The following PRKD1 variants were observed in gnomAD, a reference collection of about 807,000 sequenced individuals.
The protein encoded by PRKD1 is serine/threonine-protein kinase D1.
A neutral mutation model predicts 95.9 loss-of-function variants in PRKD1; 63 were observed. The ratio of observed to expected loss-of-function variants is 0.66; its 90% CI spans 0.54 to 0.81. The LOEUF (loss-of-function observed/expected upper bound fraction) is 0.81. Among genes scored for constraint, PRKD1 ranks in the 30% least tolerant of loss-of-function variants. The probability of loss-of-function intolerance (pLI) is 0.00; values close to 1 mark genes in which losing one functional copy is unlikely to be tolerated. For synonymous variants in PRKD1, 425 were observed against 423.1 expected, an observed-to-expected ratio of 1.00 and a Z score of -0.05; for missense variants, 1,048 against 1,165.3, an observed-to-expected ratio of 0.90 and a Z score of 1.47.
intron 1 of PRKD1, among the ~76,000 whole-genome samples, chr14:29,875,526 G>A (rs1410003808): frequency 6.6e-6 from 1 of 152,146 alleles, no homozygotes; most frequent in African/African-American, 2.4e-5. Context: ...AATATTGTTT[G>A]TGCTATGCAT....
At chr14:29,601,279 G>A (rs1376031475) in intron 13 of PRKD1, among the ~76,000 whole-genome samples, 1 of 152,144 alleles carries the variant, frequency 6.6e-6, no homozygotes, top group East Asian at 1.9e-4. Flanking sequence ...CTCTGATGAT[G>A]ATAACTCATT....
chr14:29,897,123 A>G (rs11844070), intron 1 of PRKD1, among the ~76,000 whole-genome samples: 12,007 of 151,978 alleles, frequency 0.079, 633 homozygotes, highest in African/African-American at 0.15. Flanking sequence ...TTTTTAATTG[A>G]CTCATTTTAT....
chr14:29,898,350 G>T (rs537998822), intron 1 of PRKD1, among the ~76,000 whole-genome samples: 83 of 152,026 alleles, frequency 5.5e-4, no homozygotes, highest in African/African-American at 1.9e-3. Flanking sequence ...GTACATTTTA[G>T]CCAATATGTC....
chr14:29,901,950 G>A (rs1055943783), intron 1 of PRKD1, among the ~76,000 whole-genome samples: 13 of 152,198 alleles, frequency 8.5e-5, no homozygotes, highest in Non-Finnish European at 1.6e-4. Flanking sequence ...GCTTAGAACA[G>A]AGTTTGACAC....
rs138526889 is a variant in PRKD1, at chr14:29,780,017, G to C, written c.265-54343C>G. ...CAACCATCTGATCTTTGACAAACCT[G>C]ACAAAAACAAGAAATGGGGAAAGGA... On this transcript the variant is annotated intron_variant, in intron 1 of 17. Transcript: ENST00000331968. Among the ~76,000 whole-genome samples the C allele has an allele frequency of 1.6e-3, 241 of 152,180 alleles. 6 individuals are homozygous for C. In the East Asian group the frequency reaches 0.041, roughly 26 times the overall value.
chr14:29,633,022 C>T (rs1432569424), intron 8 of PRKD1, 76 bp from the exon 9 acceptor site: 63 of 1,331,062 alleles, frequency 4.7e-5, no homozygotes, highest in Non-Finnish European at 5.2e-5. Context: ...AAATAGATTT[C>T]CCCAATAGGG....
chr14:29,740,883 T>A (rs1216796476), intron 1 of PRKD1, among the ~76,000 whole-genome samples: 2 of 152,174 alleles, frequency 1.3e-5, no homozygotes, highest in East Asian at 3.8e-4. Context: ...ACTGGATTTT[T>A]AAAAATGTGG....
At chr14:29,627,558 C>G (rs1286915126) in intron 11 of PRKD1, among the ~76,000 whole-genome samples, 1 of 152,166 alleles carries the variant, frequency 6.6e-6, no homozygotes, top group Non-Finnish European at 1.5e-5. Flanking sequence ...GATGAAATCA[C>G]CAGGTAATTC....
chr14:29,857,542 A>G (rs1391733992), intron 1 of PRKD1, among the ~76,000 whole-genome samples: 1 of 152,192 alleles, frequency 6.6e-6, no homozygotes, highest in Non-Finnish European at 1.5e-5. Context: ...TTTTTCAGGT[A>G]GCTCAAAATG....
At chr14:29,601,077 A>C (rs1187345777) in intron 13 of PRKD1, among the ~76,000 whole-genome samples, 1 of 152,202 alleles carries the variant, frequency 6.6e-6, no homozygotes, top group Admixed American at 6.5e-5. Context: ...TTAGAAAAAA[A>C]AATCTCAGTG....
chr14:29,654,802 A>G (rs1349788870), intron 4 of PRKD1, among the ~76,000 whole-genome samples: 2 of 152,170 alleles, frequency 1.3e-5, no homozygotes, highest in Non-Finnish European at 2.9e-5. Flanking sequence ...GGTTTCTATA[A>G]CCATTCTGCT....
intron 2 of PRKD1, among the ~76,000 whole-genome samples, chr14:29,687,190 A>C (rs948997549): frequency 1.2e-4 from 18 of 152,220 alleles, no homozygotes; most frequent in African/African-American, 4.3e-4. Context: ...ATTTGAAAAC[A>C]CTCTCTAATC....
At chr14:29,862,648 T>C (rs1566642507) in intron 1 of PRKD1, among the ~76,000 whole-genome samples, 2 of 152,222 alleles carry the variant, frequency 1.3e-5, no homozygotes, top group Non-Finnish European at 2.9e-5. Flanking sequence ...CTTATGTCTG[T>C]TTGCCATTTG....
At chr14:29,926,406 TG>T (rs1018196459) in intron 1 of PRKD1, among the ~76,000 whole-genome samples, 4 of 152,134 alleles carry the variant, frequency 2.6e-5, no homozygotes, top group Non-Finnish European at 5.9e-5. Flanking sequence ...TCCATCTGGA[TG>T]GCTCCAGAGG....
chr14:29,781,786 C>A (rs1169127456), intron 1 of PRKD1, among the ~76,000 whole-genome samples: 1 of 152,202 alleles, frequency 6.6e-6, no homozygotes, highest in Non-Finnish European at 1.5e-5. Flanking sequence ...ATAGAACACA[C>A]CTTTACTAAA....
intron 4 of PRKD1, among the ~76,000 whole-genome samples, chr14:29,643,927 T>G (rs2139153829): frequency 6.6e-6 from 1 of 152,206 alleles, no homozygotes; most frequent in South Asian, 2.1e-4. Flanking sequence ...GGAGACAAAC[T>G]CCCTTTGAGT....
chr14:29,711,860 A>G (rs1290256800), intron 2 of PRKD1, among the ~76,000 whole-genome samples: 2 of 152,180 alleles, frequency 1.3e-5, no homozygotes, highest in Non-Finnish European at 2.9e-5. Context: ...CTGACTTCAC[A>G]GAAAGCAAAT....
At chr14:29,761,509 A>G (rs987161861) in intron 1 of PRKD1, among the ~76,000 whole-genome samples, 6 of 152,186 alleles carry the variant, frequency 3.9e-5, no homozygotes, top group Admixed American at 3.9e-4. Flanking sequence ...ATCTGCTGAG[A>G]TAGATGAGAC....
intron 1 of PRKD1, among the ~76,000 whole-genome samples, chr14:29,823,712 T>C (rs1891007316): frequency 6.6e-6 from 1 of 152,190 alleles, no homozygotes; most frequent in Non-Finnish European, 1.5e-5. Flanking sequence ...AACGTTAGGA[T>C]GAGACCATTA....
Sources: allele counts gnomAD v4.1 joint callset (sites outside exome capture counted in the v4.1 genomes callset), GRCh38; gene constraint gnomAD v4.1.1; transcripts MANE v1.5; gene names NCBI Gene and HGNC (gene_info 2026-07-23, HGNC 2026-07-21).